The following SESN1 variants were observed in gnomAD, a reference collection of about 807,000 sequenced individuals.
SESN1 encodes the protein sestrin-1.
SESN1 carries 30 observed loss-of-function variants against 59.3 expected under a neutral mutation model. The ratio of observed to expected loss-of-function variants is 0.51; its 90% CI spans 0.38 to 0.69. SESN1 has a LOEUF of 0.69. Among genes scored for constraint, SESN1 ranks in the 30% least tolerant of loss-of-function variants. SESN1 has a pLI of 0.00. For missense variants in SESN1, 566 were observed against 673.0 expected, an observed-to-expected ratio of 0.84 and a Z score of 1.76; for synonymous variants, 197 against 219.9, an observed-to-expected ratio of 0.90 and a Z score of 0.92.
chr6:109,015,536 T>C (rs1277412710), intron 1 of SESN1, among the ~76,000 whole-genome samples: 1 of 152,160 alleles, frequency 6.6e-6, no homozygotes, highest in African/African-American at 2.4e-5. Context: ...AAGTGTCTGT[T>C]GAGATATAAA....
At chr6:108,991,598 A>G (rs1338816536) in intron 7 of SESN1, among the ~76,000 whole-genome samples, 2 of 152,048 alleles carry the variant, frequency 1.3e-5, no homozygotes, top group Non-Finnish European at 2.9e-5. Flanking sequence ...TCCTACCTGC[A>G]CTTCTGCCTT....
At position 108,998,699 on chromosome 6, in the gene SESN1, T is replaced by G. The variant is rs1779551259; in HGVS notation, c.786A>C (p.Val262=). 1.9e-6 allele frequency: 3 copies of G among 1,613,700 alleles called. No homozygotes were observed. In the African/African-American group the frequency reaches 4.0e-5, roughly 22 times the overall value. The change falls in exon 5 of 10, where the codon GTA becomes GTC. Residue 262 remains valine, a synonymous_variant. Transcript: ENST00000436639. ...SWSLAELVHA[V]VLLTHYHSLA... ...GAGAATGATAGTGTGTGAGTAAAAC[T>G]ACTGCATGTACCAATTCCGCAAGGG...
intron 1 of SESN1, among the ~76,000 whole-genome samples, chr6:109,028,401 G>C (rs1034931293): frequency 6.6e-6 from 1 of 151,988 alleles, no homozygotes; most frequent in Admixed American, 6.6e-5. Context: ...TCTCGAATGG[G>C]GCTAATTTGT....
intron 1 of SESN1, among the ~76,000 whole-genome samples, chr6:109,079,392 GT>G (rs1781083494): frequency 6.6e-6 from 1 of 152,150 alleles, no homozygotes; most frequent in Non-Finnish European, 1.5e-5. Context: ...GACAAGGTCA[GT>G]TGCCAAAATC....
chr6:108,995,033 A>G (rs545131089), intron 5 of SESN1, among the ~76,000 whole-genome samples: 4 of 152,320 alleles, frequency 2.6e-5, no homozygotes, highest in African/African-American at 9.6e-5. Context: ...AATATAGGGA[A>G]AATATTCCTA....
At chr6:109,082,802 G>A (rs953048383) in intron 1 of SESN1, among the ~76,000 whole-genome samples, 10 of 152,152 alleles carry the variant, frequency 6.6e-5, no homozygotes, top group East Asian at 3.9e-4. Flanking sequence ...GATAAAGTGC[G>A]GGATGTATGA....
intron 1 of SESN1, among the ~76,000 whole-genome samples, chr6:109,041,157 C>A (rs1780335720): frequency 2.7e-5 from 4 of 148,714 alleles, no homozygotes; most frequent in Non-Finnish European, 6.0e-5. Context: ...AAAAAACAAA[C>A]CAAAACTAGC....
At chr6:109,005,819 A>G (rs1486492159) in intron 1 of SESN1, among the ~76,000 whole-genome samples, 2 of 152,218 alleles carry the variant, frequency 1.3e-5, no homozygotes, top group East Asian at 3.8e-4. Context: ...ATTATAAACT[A>G]TAGAATTTTA....
intron 6 of SESN1, 46 bp from the exon 7 acceptor site, chr6:108,992,945 T>C (rs1779420144): frequency 8.0e-7 from 1 of 1,250,192 alleles, no homozygotes; most frequent in African/African-American, 1.5e-5. Flanking sequence ...AGGATGCTAG[T>C]TAAAATTGAT....
chr6:108,993,326 G>T (rs1779429731), intron 6 of SESN1, among the ~76,000 whole-genome samples: 1 of 152,140 alleles, frequency 6.6e-6, no homozygotes, highest in East Asian at 1.9e-4. Flanking sequence ...ATCAAAGAAA[G>T]AAATCCCATG....
chr6:109,067,879 C>T (rs1473360545), intron 1 of SESN1, among the ~76,000 whole-genome samples: 1 of 152,204 alleles, frequency 6.6e-6, no homozygotes, highest in Non-Finnish European at 1.5e-5. Context: ...ATGCTCACCA[C>T]TATGGACTGT....
chr6:109,021,315 A>G (rs142679479), intron 1 of SESN1, among the ~76,000 whole-genome samples: 1 of 152,282 alleles, frequency 6.6e-6, no homozygotes, highest in African/African-American at 2.4e-5. Flanking sequence ...GAGGTTTGCT[A>G]ATAACATTGT....
rs961520823 is a variant in SESN1, at chr6:109,000,540, T to C, written c.680A>G (p.Asn227Ser). The change falls in exon 4 of 10, where the codon AAC (asparagine) becomes AGC (serine). Residue 227 changes from asparagine to serine, a missense_variant. Asn to Ser is a conservative substitution (Grantham distance 46). Coordinates refer to ENST00000436639, the MANE Select transcript of SESN1 (RefSeq NM_014454.3). ...CCAAGGTCTATGGGCTAACACTTTG[T>C]TAAGTTCTCCTAAATTCTGTAGTTT... ...PQKLQNLGEL[N>S]KVLAHRPWLI... 7.4e-6 allele frequency: 12 copies of C among 1,611,152 alleles called. No homozygotes were observed. Among genetic ancestry groups the C allele is most frequent in the Middle Eastern group, 1.7e-4 (1 of 6,060 alleles).
At chr6:109,092,480 A>C (rs1781332140) in intron 1 of SESN1, among the ~76,000 whole-genome samples, 1 of 152,210 alleles carries the variant, frequency 6.6e-6, no homozygotes, top group Non-Finnish European at 1.5e-5. Context: ...TCCCATTCTA[A>C]TATGAATTAA....
At chr6:109,073,007 GTTTT>G (rs1003810050) in intron 1 of SESN1, among the ~76,000 whole-genome samples, 1 of 150,186 alleles carries the variant, frequency 6.7e-6, no homozygotes, top group Non-Finnish European at 1.5e-5. Flanking sequence ...AAAATAAAGT[GTTTT>G]TTTGTTTGTT....
intron 1 of SESN1, among the ~76,000 whole-genome samples, chr6:109,051,915 A>G (rs1304288066): frequency 6.6e-6 from 1 of 152,186 alleles, no homozygotes; most frequent in African/African-American, 2.4e-5. Context: ...CCACTGATGA[A>G]GGAGCAGCCC....
chr6:109,045,763 A>C (rs1405514688), intron 1 of SESN1, among the ~76,000 whole-genome samples: 1 of 152,216 alleles, frequency 6.6e-6, no homozygotes, highest in Non-Finnish European at 1.5e-5. Flanking sequence ...TATATACCAT[A>C]ACTGCCTGTT....
intron 9 of SESN1, 61 bp from the exon 10 acceptor site, chr6:108,987,691 A>C: frequency 1.1e-6 from 1 of 884,040 alleles, no homozygotes; most frequent in South Asian, 1.4e-5. Context: ...TCAGTTTTTC[A>C]GTGAATCTAA....
chr6:109,045,177 C>A (rs1214681522), intron 1 of SESN1, among the ~76,000 whole-genome samples: 2 of 152,114 alleles, frequency 1.3e-5, no homozygotes, highest in Admixed American at 6.5e-5. Flanking sequence ...TCCTCTGACA[C>A]CCTTACTAAC....
Sources: allele counts gnomAD v4.1 joint callset (sites outside exome capture counted in the v4.1 genomes callset), GRCh38; gene constraint gnomAD v4.1.1; transcripts MANE v1.5; gene names NCBI Gene and HGNC (gene_info 2026-07-23, HGNC 2026-07-21).